Variants in TMEM178B observed in about 807,000 individuals in gnomAD.
The protein encoded by TMEM178B is transmembrane protein 178B.
In TMEM178B, 5 loss-of-function variants were observed where a neutral mutation model predicts 31.0. That is an observed-to-expected ratio of 0.16 (90% CI 0.08 to 0.34). The LOEUF (loss-of-function observed/expected upper bound fraction) is 0.34. Among genes scored for constraint, TMEM178B ranks in the 10% least tolerant of loss-of-function variants. TMEM178B has a pLI of 1.00. For synonymous variants in TMEM178B, 164 were observed against 164.0 expected, an observed-to-expected ratio of 1.00 and a Z score of 0.00; for missense variants, 275 against 400.3, an observed-to-expected ratio of 0.69 and a Z score of 2.67.
intron 1 of TMEM178B, among the ~76,000 whole-genome samples, chr7:141,136,294 A>G (rs1388342660): frequency 1.3e-5 from 2 of 152,212 alleles, no homozygotes; most frequent in Non-Finnish European, 2.9e-5. Context: ...TTGCTCTTCA[A>G]TAAATGGTGT....
At chr7:141,078,002 T>C (rs897567156) in intron 1 of TMEM178B, among the ~76,000 whole-genome samples, 2 of 152,232 alleles carry the variant, frequency 1.3e-5, no homozygotes, top group Admixed American at 1.3e-4. Context: ...ATTATTTCCT[T>C]CTTGGGGGTA....
At chr7:141,507,681 T>G in the TMEM178B span, among the ~76,000 whole-genome samples, 115 of 152,236 alleles carry the variant, frequency 7.6e-4, no homozygotes, top group Non-Finnish European at 1.4e-3. Flanking sequence ...CAAATCTCAA[T>G]TATTGACTTC....
At chr7:141,187,056 G>C (rs976181824) in intron 1 of TMEM178B, among the ~76,000 whole-genome samples, 3 of 150,396 alleles carry the variant, frequency 2.0e-5, no homozygotes, top group Non-Finnish European at 4.4e-5. Flanking sequence ...TCGTCATTTA[G>C]CATTAGGTAT....
chr7:141,307,994 T>C (rs1798842784), intron 2 of TMEM178B, among the ~76,000 whole-genome samples: 1 of 152,208 alleles, frequency 6.6e-6, no homozygotes, highest in Admixed American at 6.5e-5. Flanking sequence ...AACTTGACTT[T>C]GTAGAGCAGA....
chr7:141,460,481 A>T (rs1802041657), intron 3 of TMEM178B, among the ~76,000 whole-genome samples: 1 of 152,256 alleles, frequency 6.6e-6, no homozygotes, highest in African/African-American at 2.4e-5. Flanking sequence ...TAGGGTTTCA[A>T]CGTGAATTTT....
At chr7:141,147,213 C>CTCCG (rs1284202050) in intron 1 of TMEM178B, among the ~76,000 whole-genome samples, 2 of 152,068 alleles carry the variant, frequency 1.3e-5, no homozygotes, top group Non-Finnish European at 2.9e-5. Context: ...CCTTCCCTCC[C>CTCCG]TCCGTCCCTC....
At chr7:141,230,034 C>T (rs1797415794) in intron 2 of TMEM178B, among the ~76,000 whole-genome samples, 1 of 152,144 alleles carries the variant, frequency 6.6e-6, no homozygotes, top group Non-Finnish European at 1.5e-5. Flanking sequence ...TGTCATCAAA[C>T]TCTTCATAAA....
intron 3 of TMEM178B, among the ~76,000 whole-genome samples, chr7:141,443,627 T>A (rs942893137): frequency 3.3e-5 from 5 of 152,198 alleles, no homozygotes; most frequent in African/African-American, 1.2e-4. Flanking sequence ...CCTGATCATG[T>A]GTTTCTCAAG....
intron 3 of TMEM178B, among the ~76,000 whole-genome samples, chr7:141,443,950 G>A (rs1352290102): frequency 1.3e-5 from 2 of 152,236 alleles, no homozygotes; most frequent in Non-Finnish European, 2.9e-5. Flanking sequence ...GCCATTGGGA[G>A]AGCTTTCTGT....
At chr7:141,210,344 A>G (rs543209587) in intron 1 of TMEM178B, among the ~76,000 whole-genome samples, 76 of 152,236 alleles carry the variant, frequency 5.0e-4, no homozygotes, top group Non-Finnish European at 8.7e-4. Context: ...CATGCTTGTA[A>G]TCCCAGCTAC....
At chr7:141,142,512 A>G (rs1345819024) in intron 1 of TMEM178B, among the ~76,000 whole-genome samples, 4 of 149,916 alleles carry the variant, frequency 2.7e-5, no homozygotes, top group African/African-American at 7.4e-5. Flanking sequence ...GGTTCATGCC[A>G]TTGTCCTACC....
chr7:141,259,858 GCTTATGGGTCTCCCTGGCTTTTACTTTC>G (rs1221482471), intron 2 of TMEM178B, among the ~76,000 whole-genome samples: 4 of 152,218 alleles, frequency 2.6e-5, no homozygotes, highest in African/African-American at 9.6e-5. Context: ...AGTTCAGTCA[GCTTATGGGTCTCCCTGGCTTTTACTTTC>G]CGTTATGCCC....
At chr7:141,238,671 C>T (rs1246116673) in intron 2 of TMEM178B, among the ~76,000 whole-genome samples, 1 of 152,150 alleles carries the variant, frequency 6.6e-6, no homozygotes, top group Non-Finnish European at 1.5e-5. Flanking sequence ...GCAGGTTCAG[C>T]AGTAACGCGG....
chr7:141,376,609 A>G (rs1800218666), intron 2 of TMEM178B, among the ~76,000 whole-genome samples: 1 of 152,214 alleles, frequency 6.6e-6, no homozygotes, highest in Non-Finnish European at 1.5e-5. Flanking sequence ...AATACAGGGG[A>G]TAGAGAAACA....
At chr7:141,283,213 T>A (rs1001702118) in intron 2 of TMEM178B, among the ~76,000 whole-genome samples, 1 of 151,912 alleles carries the variant, frequency 6.6e-6, no homozygotes, top group African/African-American at 2.4e-5. Context: ...CAAAGGGAGG[T>A]TGGTTCAAAA....
At chr7:141,077,352 A>G (rs997052609) in intron 1 of TMEM178B, among the ~76,000 whole-genome samples, 4 of 152,262 alleles carry the variant, frequency 2.6e-5, no homozygotes, top group Non-Finnish European at 2.9e-5. Flanking sequence ...CCGTTAATAT[A>G]TAGGAAAATT....
intron 2 of TMEM178B, among the ~76,000 whole-genome samples, chr7:141,224,282 T>C (rs1275280850): frequency 6.6e-6 from 1 of 152,198 alleles, no homozygotes; most frequent in East Asian, 1.9e-4. Flanking sequence ...GACTAATACA[T>C]AAACCAACTT....
At chr7:141,132,208 G>T (rs562293601) in intron 1 of TMEM178B, among the ~76,000 whole-genome samples, 1 of 152,098 alleles carries the variant, frequency 6.6e-6, no homozygotes, top group Admixed American at 6.5e-5. Flanking sequence ...TCTTTGTTTG[G>T]CAGGTCATAA....
chr7:141,490,255 C>G, the TMEM178B span, among the ~76,000 whole-genome samples: 1 of 152,230 alleles, frequency 6.6e-6, no homozygotes, highest in Non-Finnish European at 1.5e-5. Context: ...CCTTAAGCCT[C>G]AGTACCTGAG....
Sources: gnomAD v4.1 joint callset for allele counts (sites outside exome capture counted in the v4.1 genomes callset) on GRCh38, gnomAD v4.1.1 for gene constraint, MANE v1.5 for transcripts, NCBI Gene and HGNC (gene_info 2026-07-23, HGNC 2026-07-21) for gene names.